PLAC1: variants seen among roughly 807,000 people sequenced by gnomAD.
PLAC1 encodes the protein placenta-specific protein 1.
For missense variants in PLAC1, 136 were observed against 163.2 expected (o/e 0.83, Z 0.91); for synonymous variants, 68 against 62.1 (o/e 1.09, Z -0.44).
chrX:134,674,811 T>G (rs939734060), intron 2 of PLAC1, among the ~76,000 whole-genome samples: 1 of 112,460 alleles, frequency 8.9e-6, no homozygotes, highest in African/African-American at 3.2e-5. Flanking sequence ...CACTCCTTCC[T>G]CTTCCTGTCT....
At position 134,638,178 on chromosome X, in the gene PLAC1, G is replaced by A. The variant is rs746170355; in HGVS notation, c.-131+20150C>T. Among the ~76,000 whole-genome samples the A allele has an allele frequency of 5.3e-5, 6 of 112,445 alleles. No homozygotes were observed. In the East Asian group the frequency reaches 1.1e-3, roughly 21 times the overall value. ...ATCGTTTACTCTGGGAGCAGTAGCC[G>A]TGTCATTGACCACACAAATAGCAGA... On this transcript the variant is annotated intron_variant, in intron 1 of 2. Coordinates refer to ENST00000359237, the MANE Select transcript of PLAC1 (RefSeq NM_021796.4).
At position 134,736,391 on chromosome X, in the gene PLAC1, T is replaced by C. The variant is rs1213167279; in HGVS notation, n.90-2872A>G. Among the ~76,000 whole-genome samples the C allele has an allele frequency of 5.4e-5, 6 of 111,253 alleles. No homozygotes were observed. In the Admixed American group the frequency reaches 5.7e-4, roughly 11 times the overall value. ...CTGACACTCCAAGGCAGTAGACAAC[T>C]GCTTGGGTTTAGGAAAAATCAGAGG... On this transcript the variant is annotated intron_variant and non_coding_transcript_variant, in intron 1 of 2. Transcript: ENST00000466797.
chrX:134,571,304 A>G (rs902127362), intron 2 of PLAC1, among the ~76,000 whole-genome samples: 2 of 112,380 alleles, frequency 1.8e-5, no homozygotes, highest in South Asian at 3.7e-4. Context: ...ACATGTAACA[A>G]TGATCTATGT....
At chrX:134,714,719 T>G (rs971719695) in intron 2 of PLAC1, among the ~76,000 whole-genome samples, 9 of 111,499 alleles carry the variant, frequency 8.1e-5, no homozygotes, top group African/African-American at 2.9e-4. Context: ...TCCTAGAAAC[T>G]TCATGTAAGT....
chrX:134,753,187 T>C (rs2078748689), intron 1 of PLAC1, among the ~76,000 whole-genome samples: 2 of 111,953 alleles, frequency 1.8e-5, no homozygotes, highest in Non-Finnish European at 3.8e-5. Flanking sequence ...TAGCAAATTA[T>C]ACTTCAGAGG....
intron 2 of PLAC1, among the ~76,000 whole-genome samples, chrX:134,712,235 C>T (rs2078630125): frequency 9.0e-6 from 1 of 111,149 alleles, no homozygotes; most frequent in African/African-American, 3.3e-5. Flanking sequence ...GAAAAGTAGA[C>T]ACTCCTTCTC....
intron 2 of PLAC1, among the ~76,000 whole-genome samples, chrX:134,718,918 T>C (rs1415655483): frequency 8.9e-6 from 1 of 111,737 alleles, no homozygotes; most frequent in Non-Finnish European, 1.9e-5. Context: ...TGAATAATTG[T>C]GTGGGACAGG....
chrX:134,724,695 T>C (rs2078668523), intron 2 of PLAC1, among the ~76,000 whole-genome samples: 2 of 112,661 alleles, frequency 1.8e-5, no homozygotes, highest in South Asian at 7.2e-4. Context: ...ATTTATGGGT[T>C]TTTTCTTTTA....
At chrX:134,757,040 G>C (rs753116800) in intron 1 of PLAC1, among the ~76,000 whole-genome samples, 1 of 111,863 alleles carries the variant, frequency 8.9e-6, no homozygotes, top group Admixed American at 9.5e-5. Flanking sequence ...CGAATGGATA[G>C]CTAATAAATG....
chrX:134,714,024 C>T (rs2078636082), intron 2 of PLAC1, among the ~76,000 whole-genome samples: 1 of 111,721 alleles, frequency 9.0e-6, no homozygotes, highest in African/African-American at 3.3e-5. Flanking sequence ...GAGTCTGGTC[C>T]CACCCACTCT....
At chrX:134,674,087 C>A (rs969256557) in intron 2 of PLAC1, among the ~76,000 whole-genome samples, 1 of 112,596 alleles carries the variant, frequency 8.9e-6, no homozygotes, top group Non-Finnish European at 1.9e-5. Flanking sequence ...TACTTGAACA[C>A]CAAAATCTTG....
intron 1 of PLAC1, among the ~76,000 whole-genome samples, chrX:134,626,216 A>G (rs1481666974): frequency 8.9e-6 from 1 of 111,999 alleles, no homozygotes; most frequent in African/African-American, 3.2e-5. Flanking sequence ...CCCTTAGTCC[A>G]TGCCCCACCT....
At chrX:134,596,967 T>C (rs2078065002) in intron 2 of PLAC1, among the ~76,000 whole-genome samples, 1 of 111,428 alleles carries the variant, frequency 9.0e-6, no homozygotes, top group East Asian at 2.8e-4. Context: ...AGTTTGACTA[T>C]GATATGTCTT....
At chrX:134,630,985 G>A (rs951016041) in intron 1 of PLAC1, among the ~76,000 whole-genome samples, 6 of 111,559 alleles carry the variant, frequency 5.4e-5, no homozygotes, top group African/African-American at 2.0e-4. Context: ...GTATGATTCC[G>A]TTTGTATGAA....
chrX:134,583,100 T>A (rs1339263199), intron 2 of PLAC1, among the ~76,000 whole-genome samples: 3 of 111,644 alleles, frequency 2.7e-5, no homozygotes, highest in African/African-American at 9.8e-5. Context: ...TCAGTAAGTG[T>A]TAGTTATTAT....
At chrX:134,633,908 G>C (rs1423331994) in intron 1 of PLAC1, among the ~76,000 whole-genome samples, 1 of 111,655 alleles carries the variant, frequency 9.0e-6, no homozygotes, top group Non-Finnish European at 1.9e-5. Context: ...GGCAAGGCAG[G>C]GGAAAGGGAA....
intron 1 of PLAC1, among the ~76,000 whole-genome samples, chrX:134,642,960 AAGAG>A (rs910714864): frequency 1.8e-5 from 2 of 110,116 alleles, no homozygotes. Flanking sequence ...GAAGAAGAAA[AAGAG>A]AGAGAGAGGA....
Position 134,565,860 on chromosome X carries a change from T to G in PLAC1, c.*184A>C. ...ATATTTTTATGCGATCAGAATTTTA[T>G]TTTATTTTTTGTTTACACATGAATA... On this transcript the variant is annotated 3_prime_UTR_variant, in exon 3 of 3. Transcript: ENST00000359237. 2.5e-6 allele frequency: 1 copy of G among 404,788 alleles called. No homozygotes were observed. 33.4% of individuals were successfully genotyped at this position (404,788 alleles called of 1,213,427 possible).
intron 1 of PLAC1, among the ~76,000 whole-genome samples, chrX:134,733,824 C>G (rs1347291142): frequency 9.0e-6 from 1 of 110,779 alleles, no homozygotes; most frequent in Non-Finnish European, 1.9e-5. Context: ...GGGAAAAAAA[C>G]CAGATTGTAC....
Sources: allele counts gnomAD v4.1 joint callset (sites outside exome capture counted in the v4.1 genomes callset), GRCh38; gene constraint gnomAD v4.1.1; transcripts MANE v1.5; gene names NCBI Gene and HGNC (gene_info 2026-07-23, HGNC 2026-07-21).